The following TMTC2 variants were observed in gnomAD, a reference collection of about 807,000 sequenced individuals.
The protein encoded by TMTC2 is transmembrane O-mannosyltransferase targeting cadherins 2, also known as protein O-mannosyl-transferase TMTC2.
A neutral mutation model predicts 82.4 loss-of-function variants in TMTC2; 43 were observed. The ratio of observed to expected loss-of-function variants is 0.52; its 90% confidence interval spans 0.41 to 0.67. The LOEUF is 0.67. TMTC2 is among the 30% of genes least tolerant of loss of function. The pLI is 0.00. For missense variants in TMTC2, 919 were observed against 1,012.4 expected, an observed-to-expected ratio of 0.91 and a Z score of 1.25; for synonymous variants, 408 against 381.9, an observed-to-expected ratio of 1.07 and a Z score of -0.80.
chr12:82,896,557 T>C lies in TMTC2; in HGVS notation c.1394T>C (p.Phe465Ser). 3.1e-6 allele frequency: 5 copies of C among 1,614,184 alleles called. No individual in the cohort carries two copies. Among genetic ancestry groups the C allele is most frequent in the Non-Finnish European group, 4.2e-6 (5 of 1,180,030 alleles). ...TATGCTACAGCTACACTAATTGTTT[T>C]TTATGGACTCAAGACTGCGATCAGG... ...IFYATATLIV[F>S]YGLKTAIRNG... Residue 465 changes from phenylalanine to serine, a missense_variant, in exon 3 of 12, where the codon TTT (phenylalanine) becomes TCT (serine). Transcript: ENST00000321196.
At chr12:83,018,573 C>T (rs1164910434) in intron 8 of TMTC2, among the ~76,000 whole-genome samples, 2 of 152,088 alleles carry the variant, frequency 1.3e-5, no homozygotes, top group East Asian at 3.9e-4. Flanking sequence ...CCACTTTATC[C>T]ATCTAAAGTA....
chr12:82,870,807 G>A (rs1872135300), intron 2 of TMTC2, among the ~76,000 whole-genome samples: 1 of 152,162 alleles, frequency 6.6e-6, no homozygotes, highest in South Asian at 2.1e-4. Flanking sequence ...ATATTTCAGA[G>A]GTAAAATAGC....
intron 11 of TMTC2, among the ~76,000 whole-genome samples, chr12:83,121,629 G>A (rs1884950001): frequency 6.6e-6 from 1 of 152,078 alleles, no homozygotes; most frequent in South Asian, 2.1e-4. Flanking sequence ...GTGCTGGTTG[G>A]CCTCCTGCTG....
At chr12:83,094,049 G>GGGAAAAT (rs1471762761) in intron 11 of TMTC2, among the ~76,000 whole-genome samples, 9 of 152,214 alleles carry the variant, frequency 5.9e-5, no homozygotes, top group African/African-American at 2.2e-4. Flanking sequence ...GCACCATTCA[G>GGGAAAAT]GGAAAATGGG....
intron 3 of TMTC2, among the ~76,000 whole-genome samples, chr12:82,904,538 A>G (rs932967142): frequency 6.6e-6 from 1 of 152,232 alleles, no homozygotes; most frequent in Non-Finnish European, 1.5e-5. Flanking sequence ...TATGTGGTTT[A>G]TAATATCAGG....
chr12:82,778,878 A>T (rs1592514613), intron 1 of TMTC2, among the ~76,000 whole-genome samples: 1 of 103,952 alleles, frequency 9.6e-6, no homozygotes, highest in Admixed American at 1.0e-4. Flanking sequence ...AAAAAAAAAA[A>T]TGCAAAAAAT....
intron 11 of TMTC2, among the ~76,000 whole-genome samples, chr12:83,099,389 A>T (rs1884138366): frequency 1.3e-5 from 2 of 152,068 alleles, no homozygotes. Flanking sequence ...TGCGCACAAC[A>T]TCTTCTCTGT....
chr12:82,780,400 T>C (rs1055915535), intron 1 of TMTC2, among the ~76,000 whole-genome samples: 4 of 152,034 alleles, frequency 2.6e-5, no homozygotes, highest in Non-Finnish European at 2.9e-5. Context: ...CCCTAAAATA[T>C]CAGACCCATT....
intron 1 of TMTC2, among the ~76,000 whole-genome samples, chr12:82,816,038 T>C (rs1868692366): frequency 6.6e-6 from 1 of 152,112 alleles, no homozygotes; most frequent in African/African-American, 2.4e-5. Flanking sequence ...GTACTTGATA[T>C]AGTAGTGGGT....
intron 1 of TMTC2, among the ~76,000 whole-genome samples, chr12:82,853,503 G>A (rs79097475): frequency 6.6e-5 from 10 of 152,284 alleles, no homozygotes; most frequent in South Asian, 2.1e-4. Context: ...AGTATATCTC[G>A]TGGCTGCTGT....
intron 11 of TMTC2, among the ~76,000 whole-genome samples, chr12:83,076,156 A>G (rs1883277817): frequency 6.6e-6 from 1 of 152,206 alleles, no homozygotes; most frequent in South Asian, 2.1e-4. Context: ...ATTGTTATTC[A>G]TCACAATCTA....
chr12:82,863,826 C>G (rs1871675485), intron 2 of TMTC2, among the ~76,000 whole-genome samples: 1 of 151,992 alleles, frequency 6.6e-6, no homozygotes, highest in South Asian at 2.1e-4. Flanking sequence ...TGCCAATATG[C>G]CAGGACTTTA....
chr12:82,710,510 C>T (rs1029033947), intron 1 of TMTC2, among the ~76,000 whole-genome samples: 14 of 152,308 alleles, frequency 9.2e-5, no homozygotes, highest in Non-Finnish European at 1.8e-4. Context: ...GTAATTCCAT[C>T]TCAGATAATT....
Position 82,687,650 on chromosome 12 carries a change from G to T in TMTC2, c.64G>T (p.Asp22Tyr), listed in dbSNP as rs552932714. ...CTTGTATCTCAACACCCTGAGTGCG[G>T]ATTTCTGCTATGATGACAGGTAAGG... ...LALYLNTLSA[D>Y]FCYDDSRAIK... is the part of the protein sequence containing the mutation. The change falls in exon 1 of 12, where the codon GAT becomes TAT. Residue 22 changes from aspartate (D) to tyrosine (Y), a missense_variant. Transcript: ENST00000321196. 6.2e-7 allele frequency: 1 copy of T among 1,604,824 alleles called. No individual in the cohort carries two copies. The highest frequency in any genetic ancestry group is 2.2e-5 in the East Asian group (1 of 44,494).
intron 11 of TMTC2, among the ~76,000 whole-genome samples, chr12:83,090,554 A>G (rs550029420): frequency 1.1e-4 from 17 of 152,274 alleles, no homozygotes; most frequent in African/African-American, 3.6e-4. Flanking sequence ...ATATCTGTCC[A>G]GACACTGAAG....
intron 11 of TMTC2, among the ~76,000 whole-genome samples, chr12:83,129,612 C>T (rs1885200642): frequency 6.6e-6 from 1 of 152,158 alleles, no homozygotes; most frequent in South Asian, 2.1e-4. Flanking sequence ...CTACCTCTTA[C>T]AGGTTTAACC....
intron 8 of TMTC2, among the ~76,000 whole-genome samples, chr12:83,002,705 G>T (rs1592686269): frequency 6.6e-6 from 1 of 151,718 alleles, no homozygotes; most frequent in South Asian, 2.1e-4. Context: ...GTAATTGATT[G>T]GTTTTGAGTG....
intron 4 of TMTC2, among the ~76,000 whole-genome samples, chr12:82,937,793 TATAC>T (rs1260414006): frequency 3.9e-4 from 9 of 23,362 alleles, no homozygotes; most frequent in African/African-American, 1.1e-3. Context: ...TATATATATA[TATAC>T]ACACATATAT....
At position 82,908,086 on chromosome 12, in the gene TMTC2, G is replaced by A. The variant is rs11115478; in HGVS notation, c.1483+11440G>A. On this transcript the variant is annotated intron_variant, in intron 3 of 11. Transcript: ENST00000321196. ...GAGACTGTACCGAGGGCAACAGAGC[G>A]AGATTCCCTCTCAAAACAAAACAAA... 7.8e-3 allele frequency among the ~76,000 whole-genome samples: 1,193 copies of A among 152,192 alleles called. 10 individuals are homozygous for A. Among genetic ancestry groups the A allele is most frequent in the African/African-American group, 0.027 (1,139 of 41,524 alleles).
Sources: gnomAD v4.1 joint callset for allele counts (sites outside exome capture counted in the v4.1 genomes callset) on GRCh38, gnomAD v4.1.1 for gene constraint, MANE v1.5 for transcripts, NCBI Gene and HGNC (gene_info 2026-07-23, HGNC 2026-07-21) for gene names.